The following CNTN5 variants were observed in gnomAD, a reference collection of about 807,000 sequenced individuals.
CNTN5 encodes contactin-5.
CNTN5 carries 77 observed loss-of-function variants against 129.1 expected under a neutral mutation model. The observed-to-expected ratio is 0.60, with a 90% CI of 0.50 to 0.72. The LOEUF (loss-of-function observed/expected upper bound fraction) is 0.72, where lower values mean the gene tolerates loss of function less well. Ranked by LOEUF, CNTN5 falls within the 30% of genes least tolerant of loss-of-function variation. CNTN5 has a pLI of 0.00. For missense variants in CNTN5, 1,478 were observed against 1,328.8 expected, an observed-to-expected ratio of 1.11 and a Z score of -1.75; for synonymous variants, 509 against 465.6, an observed-to-expected ratio of 1.09 and a Z score of -1.20.
chr11:99,722,100 A>G (rs1054118860), intron 3 of CNTN5, among the ~76,000 whole-genome samples: 1 of 152,182 alleles, frequency 6.6e-6, no homozygotes, highest in African/African-American at 2.4e-5. Context: ...TAAAAGTGGA[A>G]CTATCATTCA....
At chr11:100,082,656 A>G (rs1944408754) in intron 13 of CNTN5, among the ~76,000 whole-genome samples, 1 of 152,094 alleles carries the variant, frequency 6.6e-6, no homozygotes, top group African/African-American at 2.4e-5. Flanking sequence ...ATAATGGTAT[A>G]TTATCAGTGG....
At chr11:99,646,188 T>C (rs1172311457) in intron 3 of CNTN5, among the ~76,000 whole-genome samples, 2 of 152,138 alleles carry the variant, frequency 1.3e-5, no homozygotes, top group African/African-American at 4.8e-5. Flanking sequence ...GCAGCTCATG[T>C]CTATGTACAA....
intron 6 of CNTN5, among the ~76,000 whole-genome samples, chr11:99,857,145 T>G (rs540965913): frequency 1.3e-5 from 2 of 152,148 alleles, no homozygotes; most frequent in Non-Finnish European, 2.9e-5. Flanking sequence ...TTTATTTATT[T>G]CTGGTGACAT....
At chr11:99,209,057 A>C (rs1859631429) in intron 1 of CNTN5, among the ~76,000 whole-genome samples, 1 of 152,148 alleles carries the variant, frequency 6.6e-6, no homozygotes, top group South Asian at 2.1e-4. Flanking sequence ...CAAATATAAA[A>C]TCTATTTTAA....
intron 3 of CNTN5, among the ~76,000 whole-genome samples, chr11:99,596,147 CAA>C (rs1261497618): frequency 6.6e-6 from 1 of 152,102 alleles, no homozygotes; most frequent in African/African-American, 2.4e-5. Flanking sequence ...GCAGGATAGT[CAA>C]GAAGACCATT....
At chr11:99,765,226 C>A (rs1349011410) in intron 3 of CNTN5, among the ~76,000 whole-genome samples, 1 of 151,800 alleles carries the variant, frequency 6.6e-6, no homozygotes, top group Non-Finnish European at 1.5e-5. Flanking sequence ...AAAGTATATT[C>A]AATTTTTTCT....
chr11:99,777,771 T>G (rs991656900), intron 3 of CNTN5, among the ~76,000 whole-genome samples: 4 of 151,844 alleles, frequency 2.6e-5, no homozygotes, highest in African/African-American at 7.2e-5. Context: ...ACAATAATAG[T>G]GCTAATTATA....
At chr11:99,628,611 G>GACACACAC (rs10607009) in intron 3 of CNTN5, among the ~76,000 whole-genome samples, 5,619 of 147,024 alleles carry the variant, frequency 0.038, 133 homozygotes, top group Non-Finnish European at 0.054. Context: ...GCTAAATAAT[G>GACACACAC]ACACACACAC....
Position 99,046,774 on chromosome 11 carries a change from A to C in CNTN5, c.-210+25504A>C, listed in dbSNP as rs931641858. ...ACTCAAATGTCTTACTAATAATGCA[A>C]TATTGCAAATAAGAATACTCAAACA... On this transcript the variant is annotated intron_variant, in intron 1 of 24. Coordinates refer to ENST00000524871, the MANE Select transcript of CNTN5 (RefSeq NM_014361.4). Among the ~76,000 whole-genome samples, 3 of 152,160 alleles carry C rather than the reference A, an allele frequency of 2.0e-5. No individual in the cohort carries two copies. The East Asian group carries it at 5.8e-4, about 29-fold the overall frequency.
chr11:99,840,757 C>A (rs1176691149), intron 4 of CNTN5, among the ~76,000 whole-genome samples: 1 of 152,120 alleles, frequency 6.6e-6, no homozygotes, highest in Non-Finnish European at 1.5e-5. Context: ...AATTGGCTAT[C>A]AAGATCTTTG....
rs149534825 is a variant in CNTN5, at chr11:99,814,626, G to A, written c.56-4918G>A. Among the ~76,000 whole-genome samples, 494 of 152,210 alleles carry A rather than the reference G, an allele frequency of 3.2e-3. 3 individuals carry two copies. Among genetic ancestry groups the A allele is most frequent in the Non-Finnish European group, 5.5e-3 (371 of 68,008 alleles). On this transcript the variant is annotated intron_variant, in intron 3 of 24. Coordinates refer to ENST00000524871, the MANE Select transcript of CNTN5 (RefSeq NM_014361.4). ...GCAGTGTGCCTGAAGGTGCATTGAA[G>A]GAATTGAGTAAGGTTACGAATTATG... is the stretch of plus-strand genomic sequence containing the variant.
chr11:100,090,029 C>T (rs1308325861), intron 13 of CNTN5, among the ~76,000 whole-genome samples: 2 of 152,106 alleles, frequency 1.3e-5, no homozygotes, highest in Non-Finnish European at 2.9e-5. Flanking sequence ...ACATCCTGAA[C>T]ATGTATCCCA....
In CNTN5 at chr11:100,021,766, A is replaced by C. The variant is rs570580552; in HGVS notation, c.980+19630A>C. Among the ~76,000 whole-genome samples the C allele has an allele frequency of 7.4e-4, 113 of 152,310 alleles. 1 individual carries two copies. The highest frequency in any genetic ancestry group is 7.6e-4 in the Non-Finnish European group (52 of 68,020). On this transcript the variant is annotated intron_variant, in intron 9 of 24. Coordinates refer to ENST00000524871, the MANE Select transcript of CNTN5 (RefSeq NM_014361.4). ...CTGCAAGTTGAGGAACAAGGAAACC[A>C]GTCCAAGTCCCAAAGCAGCAAATGT...
intron 3 of CNTN5, among the ~76,000 whole-genome samples, chr11:99,558,773 G>A (rs1472078389): frequency 1.3e-5 from 2 of 152,060 alleles, no homozygotes; most frequent in African/African-American, 4.8e-5. Flanking sequence ...CATTTCAAAT[G>A]TTATAGGCAA....
intron 3 of CNTN5, among the ~76,000 whole-genome samples, chr11:99,793,031 G>A (rs1053400914): frequency 4.0e-5 from 6 of 151,168 alleles, no homozygotes; most frequent in African/African-American, 1.5e-4. Context: ...TTTTTTGCCT[G>A]TATTAGTCTA....
intron 16 of CNTN5, among the ~76,000 whole-genome samples, chr11:100,255,061 C>A (rs1355343784): frequency 3.9e-5 from 6 of 152,230 alleles, no homozygotes; most frequent in African/African-American, 1.4e-4. Flanking sequence ...ATATTCTATA[C>A]CATTCTTTCA....
chr11:99,031,681 G>A (rs372608752), intron 1 of CNTN5, among the ~76,000 whole-genome samples: 2 of 151,162 alleles, frequency 1.3e-5, no homozygotes, highest in African/African-American at 4.9e-5. Context: ...CTGAAACAAA[G>A]GTGTCTTTTA....
intron 2 of CNTN5, among the ~76,000 whole-genome samples, chr11:99,448,729 G>A (rs956905872): frequency 7.9e-6 from 1 of 126,916 alleles, no homozygotes; most frequent in African/African-American, 3.2e-5. Context: ...TTGTACAATT[G>A]TTTTTATTTT....
In CNTN5 at chr11:99,579,639, A is replaced by G. The variant is rs11220533; in HGVS notation, c.55+23370A>G. Among the ~76,000 whole-genome samples, 624 of 133,376 alleles carry G rather than the reference A, an allele frequency of 4.7e-3. 3 individuals are homozygous for G. The highest frequency in any genetic ancestry group is 0.017 in the African/African-American group (575 of 34,646). 87.5% of individuals were successfully genotyped at this position (133,376 alleles called of 152,430 possible). ...TGATTTGGCTCTCTGTTTGTCTGTTATTGGTGTATAAGAATGCTTGTGATT... is the reference window on the plus strand; with the variant it reads ...TGATTTGGCTCTCTGTTTGTCTGTTGTTGGTGTATAAGAATGCTTGTGATT... On this transcript the variant is annotated intron_variant, in intron 3 of 24. Coordinates refer to ENST00000524871, the MANE Select transcript of CNTN5 (RefSeq NM_014361.4).
Sources: gnomAD v4.1 joint callset for allele counts (sites outside exome capture counted in the v4.1 genomes callset) on GRCh38, gnomAD v4.1.1 for gene constraint, MANE v1.5 for transcripts, NCBI Gene and HGNC (gene_info 2026-07-23, HGNC 2026-07-21) for gene names.